RBM6: variants seen among roughly 807,000 people sequenced by gnomAD.
RBM6 encodes RNA binding motif protein 6, also known as RNA-binding protein 6.
In RBM6, 23 loss-of-function variants were observed where a neutral mutation model predicts 140.4. That is an observed-to-expected ratio of 0.16 (90% CI 0.12 to 0.23). The LOEUF (loss-of-function observed/expected upper bound fraction) is 0.23. RBM6 is among the 10% of genes least tolerant of loss of function. The probability of loss-of-function intolerance (pLI) is 1.00; values close to 1 mark genes in which losing one functional copy is unlikely to be tolerated. For missense variants in RBM6, 1,139 were observed against 1,386.7 expected (o/e 0.82, Z 2.84); for synonymous variants, 439 against 475.6 (o/e 0.92, Z 1.00).
intron 6 of RBM6, among the ~76,000 whole-genome samples, chr3:50,024,685 G>A (rs1359814890): frequency 6.6e-6 from 1 of 152,226 alleles, no homozygotes; most frequent in Non-Finnish European, 1.5e-5. Context: ...CGGGCACGAT[G>A]GCTCACGCCT....
At chr3:49,994,575 T>G (rs17657664) in intron 5 of RBM6, among the ~76,000 whole-genome samples, 54,374 of 152,074 alleles carry the variant, frequency 0.36, 10,323 homozygotes, top group Non-Finnish European at 0.44. Flanking sequence ...AGTTAAGACC[T>G]CTTCAATCTA....
At chr3:49,961,023 C>G (rs769863474) in intron 1 of RBM6, among the ~76,000 whole-genome samples, 13 of 150,472 alleles carry the variant, frequency 8.6e-5, no homozygotes, top group African/African-American at 2.0e-4. Flanking sequence ...GATCCTCCCC[C>G]ACTTCAGCCT....
intron 18 of RBM6, among the ~76,000 whole-genome samples, chr3:50,069,507 CAA>C (rs60210595): frequency 2.6e-4 from 28 of 107,382 alleles, no homozygotes; most frequent in Admixed American, 2.0e-4. Context: ...GACCTTGTCT[CAA>C]AAAAAAAAAA....
rs1339218144 is a variant in RBM6 at position 49,968,717 on chromosome 3, A to G, written c.1292A>G (p.Lys431Arg). ...CAGAGCAAGTCTTTTCCAGAGGGCA[A>G]AACTGCCCGAGATGCCCAACGGGAC... ...YGQSKSFPEG[K>R]TARDAQRDLQ... The change falls in exon 3 of 21, where the codon AAA becomes AGA. Residue 431 changes from lysine (K) to arginine (R), a missense_variant. Coordinates refer to ENST00000266022, the MANE Select transcript of RBM6 (RefSeq NM_005777.3). 3 of 1,613,182 alleles carry G rather than the reference A, an allele frequency of 1.9e-6. No individual in the cohort carries two copies. Among genetic ancestry groups the G allele is most frequent in the Admixed American group, 1.7e-5 (1 of 59,934 alleles).
intron 1 of RBM6, among the ~76,000 whole-genome samples, chr3:49,952,897 T>C (rs1239252795): frequency 1.3e-5 from 2 of 152,182 alleles, no homozygotes; most frequent in Non-Finnish European, 2.9e-5. Context: ...TCCCATTCTG[T>C]GGGATGTCTT....
intron 5 of RBM6, among the ~76,000 whole-genome samples, chr3:49,989,958 G>A (rs950068522): frequency 3.9e-5 from 6 of 152,172 alleles, no homozygotes; most frequent in East Asian, 1.9e-4. Flanking sequence ...TGTTGGCCAC[G>A]CTGGTCTCGA....
At chr3:49,992,040 C>T (rs1575631007) in intron 5 of RBM6, among the ~76,000 whole-genome samples, 1 of 152,006 alleles carries the variant, frequency 6.6e-6, no homozygotes, top group Non-Finnish European at 1.5e-5. Flanking sequence ...CAGCTTCAAC[C>T]TCCCAGGCTC....
chr3:50,014,470 T>G (rs1454018917), intron 6 of RBM6, among the ~76,000 whole-genome samples: 1 of 152,214 alleles, frequency 6.6e-6, no homozygotes. Flanking sequence ...AGTTGAGAGT[T>G]TTCAAAATAG....
At chr3:50,022,885 G>A (rs1050560074) in intron 6 of RBM6, among the ~76,000 whole-genome samples, 1 of 152,048 alleles carries the variant, frequency 6.6e-6, no homozygotes, top group Admixed American at 6.6e-5. Context: ...GATCACTTGA[G>A]CCCAGGAGTT....
intron 1 of RBM6, among the ~76,000 whole-genome samples, chr3:49,956,792 A>T (rs1402429432): frequency 6.6e-6 from 1 of 150,744 alleles, no homozygotes; most frequent in Non-Finnish European, 1.5e-5. Context: ...CAGCCTCCTG[A>T]GTAGCTGAAT....
chr3:49,994,666 T>TGG (rs964020984), intron 5 of RBM6, among the ~76,000 whole-genome samples: 15 of 110,362 alleles, frequency 1.4e-4, no homozygotes, highest in East Asian at 4.0e-4. Context: ...AAAAAGGCTG[T>TGG]GGGGTGTGTG....
chr3:50,024,047 A>C (rs1221809413), intron 6 of RBM6, among the ~76,000 whole-genome samples: 1 of 152,200 alleles, frequency 6.6e-6, no homozygotes, highest in Non-Finnish European at 1.5e-5. Flanking sequence ...CTTGTGGCTT[A>C]AGATAAACTT....
intron 1 of RBM6, among the ~76,000 whole-genome samples, chr3:49,955,141 A>G (rs1032288195): frequency 6.3e-5 from 8 of 127,308 alleles, no homozygotes; most frequent in South Asian, 4.8e-4. Flanking sequence ...TTAGGGCCGC[A>G]TAGTATTTTT....
rs147246474 is a variant in RBM6 at position 49,994,806 on chromosome 3, C to T, written c.1484-4634C>T. ...TGTGTTCTTTAAAATCCTGATTCCC[C>T]GTTTTACTTTCTGGATGTGTATTCT... On this transcript the variant is annotated intron_variant, in intron 5 of 20. Transcript: ENST00000266022. 4.4e-4 allele frequency among the ~76,000 whole-genome samples: 67 copies of T among 152,068 alleles called. 1 individual carries two copies. The East Asian group carries it at 9.8e-3, about 22-fold the overall frequency.
At chr3:49,954,393 T>C (rs568449425) in intron 1 of RBM6, among the ~76,000 whole-genome samples, 43 of 150,762 alleles carry the variant, frequency 2.9e-4, no homozygotes, top group Admixed American at 1.6e-3. Flanking sequence ...TGAGCCGAGA[T>C]TGCACCATTG....
chr3:49,962,616 T>G lies in RBM6; in HGVS notation c.-26T>G. ...GAATTTGGTAGAAAAAGGATTTACTTGTTGGGGCCCTCTTGATAAAAAGAG... is the reference window on the plus strand; with the variant it reads ...GAATTTGGTAGAAAAAGGATTTACTGGTTGGGGCCCTCTTGATAAAAAGAG... On this transcript the variant is annotated 5_prime_UTR_variant, in exon 2 of 21. Transcript: ENST00000266022. 6.3e-7 allele frequency: 1 copy of G among 1,585,580 alleles called. No individual in the cohort carries two copies. The highest frequency in any genetic ancestry group is 8.5e-7 in the Non-Finnish European group (1 of 1,170,336).
At chr3:49,985,456 G>A (rs2108685192) in intron 5 of RBM6, among the ~76,000 whole-genome samples, 1 of 152,058 alleles carries the variant, frequency 6.6e-6, no homozygotes, top group Middle Eastern at 3.4e-3. Flanking sequence ...TTTTTGCCTG[G>A]TTCCATGTTT....
At chr3:50,038,827 C>T (rs1313746196) in intron 6 of RBM6, among the ~76,000 whole-genome samples, 2 of 151,956 alleles carry the variant, frequency 1.3e-5, no homozygotes, top group African/African-American at 2.4e-5. Context: ...AGCAAGACTC[C>T]GTCCCCAAAA....
intron 5 of RBM6, among the ~76,000 whole-genome samples, chr3:49,983,279 A>C (rs1158728511): frequency 6.6e-6 from 1 of 152,222 alleles, no homozygotes; most frequent in East Asian, 1.9e-4. Flanking sequence ...GGAATCTTTC[A>C]ATGTAGGGAT....
Sources: gnomAD v4.1 joint callset for allele counts (sites outside exome capture counted in the v4.1 genomes callset) on GRCh38, gnomAD v4.1.1 for gene constraint, MANE v1.5 for transcripts, NCBI Gene and HGNC (gene_info 2026-07-23, HGNC 2026-07-21) for gene names.